CEP128: variants seen among roughly 807,000 people sequenced by gnomAD.
CEP128 encodes centrosomal protein 128kDa.
A neutral mutation model predicts 156.7 loss-of-function variants in CEP128; 132 were observed. That is an observed-to-expected ratio of 0.84 (90% CI 0.73 to 0.97). The LOEUF is 0.97. Among genes scored for constraint, CEP128 ranks in the 50% least tolerant of loss-of-function variants. CEP128 has a pLI of 0.00. For missense variants in CEP128, 1,252 were observed against 1,281.9 expected, an observed-to-expected ratio of 0.98 and a Z score of 0.36; for synonymous variants, 469 against 448.9, an observed-to-expected ratio of 1.04 and a Z score of -0.57.
chr14:80,907,931 A>G (rs536341599), intron 4 of CEP128, among the ~76,000 whole-genome samples: 7 of 152,308 alleles, frequency 4.6e-5, no homozygotes, highest in Non-Finnish European at 7.4e-5. Flanking sequence ...TTTTGATCAT[A>G]AAAATTAGCG....
intron 19 of CEP128, among the ~76,000 whole-genome samples, chr14:80,660,418 T>G (rs1895350385): frequency 6.6e-6 from 1 of 152,208 alleles, no homozygotes; most frequent in Non-Finnish European, 1.5e-5. Flanking sequence ...CGTGCCATTT[T>G]CTACATGAGA....
rs143388489 is a variant in CEP128, at chr14:80,747,547, G to A, written c.2614-4280C>T. Among the ~76,000 whole-genome samples the A allele has an allele frequency of 8.3e-3, 1,263 of 152,274 alleles. 16 individuals are homozygous for A. Among genetic ancestry groups the A allele is most frequent in the Non-Finnish European group, 0.01 (687 of 68,012 alleles). Reference sequence around the variant, plus strand: ...TTTATGGCCAGGGGCAATGGCTCACGCCTGTAATCCCAGCACTTTGGGAGG... The same window carrying A: ...TTTATGGCCAGGGGCAATGGCTCACACCTGTAATCCCAGCACTTTGGGAGG... On this transcript the variant is annotated intron_variant, in intron 18 of 24. Coordinates refer to ENST00000555265, the MANE Select transcript of CEP128 (RefSeq NM_152446.5).
At chr14:80,870,213 A>G (rs903744731) in intron 8 of CEP128, among the ~76,000 whole-genome samples, 3 of 152,128 alleles carry the variant, frequency 2.0e-5, no homozygotes, top group African/African-American at 7.2e-5. Context: ...TCTTCCAAAA[A>G]ACTGAAGATA....
At chr14:80,896,511 TTA>T in intron 7 of CEP128, among the ~76,000 whole-genome samples, 1 of 152,314 alleles carries the variant, frequency 6.6e-6, no homozygotes, top group Non-Finnish European at 1.5e-5. Flanking sequence ...TAATTTCAGA[TTA>T]TGTTATTACC....
At chr14:80,756,869 T>G (rs780408614) in intron 18 of CEP128, 23 bp downstream of exon 18, 3 of 1,473,344 alleles carry the variant, frequency 2.0e-6, no homozygotes, top group Non-Finnish European at 2.8e-6. Context: ...TTACAATAAC[T>G]TTAGGATTTA....
intron 3 of CEP128, among the ~76,000 whole-genome samples, chr14:80,915,388 C>G (rs1013205775): frequency 6.6e-6 from 1 of 152,192 alleles, no homozygotes; most frequent in Non-Finnish European, 1.5e-5. Flanking sequence ...TGCATGGCTT[C>G]GCCACCAGAA....
chr14:80,491,076 C>T (rs923437984), intron 6 of CEP128, among the ~76,000 whole-genome samples: 4 of 152,140 alleles, frequency 2.6e-5, no homozygotes, highest in African/African-American at 9.7e-5. Flanking sequence ...CAAAAGGATA[C>T]GTATCTTCCT....
chr14:80,799,500 G>A (rs1245951302), intron 13 of CEP128, among the ~76,000 whole-genome samples: 1 of 152,162 alleles, frequency 6.6e-6, no homozygotes, highest in African/African-American at 2.4e-5. Flanking sequence ...CAACCATAAG[G>A]TCTGACTGCC....
chr14:80,721,564 A>T (rs1595283425), intron 19 of CEP128, among the ~76,000 whole-genome samples: 1 of 152,342 alleles, frequency 6.6e-6, no homozygotes, highest in African/African-American at 2.4e-5. Flanking sequence ...ACATAAATAC[A>T]TGTTTAAAAT....
intron 19 of CEP128, among the ~76,000 whole-genome samples, chr14:80,660,459 G>A (rs1181679795): frequency 2.0e-5 from 3 of 152,126 alleles, no homozygotes; most frequent in Non-Finnish European, 2.9e-5. Flanking sequence ...TATAAAGTTA[G>A]ATCTCTTATC....
chr14:80,677,685 G>A (rs1460476813), intron 19 of CEP128, among the ~76,000 whole-genome samples: 1 of 151,912 alleles, frequency 6.6e-6, no homozygotes, highest in Non-Finnish European at 1.5e-5. Context: ...TAGAGTTGGT[G>A]AAATGTATAA....
intron 13 of CEP128, among the ~76,000 whole-genome samples, chr14:80,810,398 A>G (rs1186336405): frequency 6.6e-6 from 1 of 151,438 alleles, no homozygotes; most frequent in East Asian, 1.9e-4. Flanking sequence ...AAGAAAAAAA[A>G]CTCACATATC....
At chr14:80,593,296 C>A (rs1418086765) in intron 19 of CEP128, among the ~76,000 whole-genome samples, 1 of 152,032 alleles carries the variant, frequency 6.6e-6, no homozygotes, top group East Asian at 1.9e-4. Flanking sequence ...CCTGTAATCC[C>A]TGCCACTGAG....
intron 8 of CEP128, among the ~76,000 whole-genome samples, chr14:80,873,991 G>A (rs1175124546): frequency 6.6e-6 from 1 of 152,114 alleles, no homozygotes; most frequent in Non-Finnish European, 1.5e-5. Context: ...CCCCAGCCAT[G>A]TGGAACTGTA....
At chr14:80,622,939 C>T (rs1157051672) in intron 19 of CEP128, among the ~76,000 whole-genome samples, 2 of 152,030 alleles carry the variant, frequency 1.3e-5, no homozygotes, top group African/African-American at 2.4e-5. Context: ...TACCATTTGA[C>T]CCAGCCATCC....
chr14:80,950,807 A>C (rs1406270795), intron 2 of CEP128, among the ~76,000 whole-genome samples: 2 of 151,918 alleles, frequency 1.3e-5, no homozygotes, highest in African/African-American at 4.8e-5. Context: ...GAATCTCAAA[A>C]TACCCCAAGC....
At chr14:80,544,225 CT>C (rs1303286249) in intron 21 of CEP128, among the ~76,000 whole-genome samples, 2 of 152,134 alleles carry the variant, frequency 1.3e-5, no homozygotes, top group African/African-American at 2.4e-5. Context: ...CATTAGCCAT[CT>C]TTTTTTCCCA....
At position 80,610,717 on chromosome 14, in the gene CEP128, G is replaced by C. The variant is rs75610679; in HGVS notation, c.2807-30294C>G. Among the ~76,000 whole-genome samples the C allele has an allele frequency of 3.9e-5, 6 of 152,172 alleles. No homozygotes were observed. In the East Asian group the frequency reaches 1.2e-3, roughly 29 times the overall value. On this transcript the variant is annotated intron_variant, in intron 19 of 24. Coordinates refer to ENST00000555265, the MANE Select transcript of CEP128 (RefSeq NM_152446.5). ...TCATTCCACAGCCATACTTTCACTA[G>C]TGCAAAATGACTTATGCATGTTATT...
In CEP128 at chr14:80,594,657, C is replaced by T. The variant is rs190866743; in HGVS notation, c.2807-14234G>A. On this transcript the variant is annotated intron_variant, in intron 19 of 24. Transcript: ENST00000555265. ...ACAAACAACCCCATCAAAAAGTGGG[C>T]GAAGGATATGAACAGACACTTCTCA... 1.2e-4 allele frequency among the ~76,000 whole-genome samples: 19 copies of T among 152,118 alleles called. 1 individual carries two copies. The highest frequency in any genetic ancestry group is 3.9e-4 in the Admixed American group (6 of 15,280).
Sources: gnomAD v4.1 joint callset for allele counts (sites outside exome capture counted in the v4.1 genomes callset) on GRCh38, gnomAD v4.1.1 for gene constraint, MANE v1.5 for transcripts, NCBI Gene and HGNC (gene_info 2026-07-23, HGNC 2026-07-21) for gene names.